Variants in SH3PXD2A observed in about 807,000 individuals in gnomAD.
The protein encoded by SH3PXD2A is SH3 and PX domain-containing protein 2A.
SH3PXD2A carries 32 observed loss-of-function variants against 115.2 expected under a neutral mutation model. The ratio of observed to expected loss-of-function variants is 0.28; its 90% CI spans 0.21 to 0.37. The LOEUF is 0.37. SH3PXD2A is among the 10% of genes least tolerant of loss of function. The probability of loss-of-function intolerance (pLI) is 1.00; values close to 1 mark genes in which losing one functional copy is unlikely to be tolerated. For synonymous variants in SH3PXD2A, 610 were observed against 629.1 expected (o/e 0.97, Z 0.45); for missense variants, 1,328 against 1,498.7 (o/e 0.89, Z 1.88).
intron 5 of SH3PXD2A, among the ~76,000 whole-genome samples, chr10:103,697,919 T>C (rs996504223): frequency 6.6e-6 from 1 of 152,166 alleles, no homozygotes; most frequent in African/African-American, 2.4e-5. Context: ...CCAGGATTTA[T>C]TCTTTGGTGT....
At chr10:103,851,552 G>C (rs1232738389) in intron 1 of SH3PXD2A, among the ~76,000 whole-genome samples, 1 of 152,188 alleles carries the variant, frequency 6.6e-6, no homozygotes, top group Non-Finnish European at 1.5e-5. Flanking sequence ...GAGCTAACCT[G>C]ACCTGCATTG....
At chr10:103,823,912 G>A (rs1010673601) in intron 1 of SH3PXD2A, among the ~76,000 whole-genome samples, 10 of 152,156 alleles carry the variant, frequency 6.6e-5, no homozygotes, top group Non-Finnish European at 1.0e-4. Context: ...TGTCAAGGCC[G>A]CACTCACTCC....
chr10:103,769,488 A>G (rs1167829673), intron 2 of SH3PXD2A, among the ~76,000 whole-genome samples: 17 of 134,860 alleles, frequency 1.3e-4, no homozygotes, highest in South Asian at 2.3e-4. Context: ...TGTCTCTGTC[A>G]CCTAGGCTGG....
At chr10:103,830,589 C>T (rs1268936385) in intron 1 of SH3PXD2A, among the ~76,000 whole-genome samples, 3 of 152,122 alleles carry the variant, frequency 2.0e-5, no homozygotes, top group Admixed American at 1.3e-4. Flanking sequence ...GCAACTTCAG[C>T]GTCCATCAAG....
chr10:103,624,469 G>A (rs1045613624), intron 9 of SH3PXD2A, among the ~76,000 whole-genome samples: 3 of 152,192 alleles, frequency 2.0e-5, no homozygotes, highest in Non-Finnish European at 2.9e-5. Flanking sequence ...CCCTGCGAAT[G>A]TCAGGCTTGG....
At chr10:103,853,094 A>T (rs1842910830) in intron 1 of SH3PXD2A, among the ~76,000 whole-genome samples, 1 of 152,118 alleles carries the variant, frequency 6.6e-6, no homozygotes, top group Admixed American at 6.5e-5. Context: ...GTTCAGTGAC[A>T]TCACTCCCTG....
At chr10:103,699,185 T>C (rs560745612) in intron 5 of SH3PXD2A, among the ~76,000 whole-genome samples, 1 of 152,296 alleles carries the variant, frequency 6.6e-6, no homozygotes, top group African/African-American at 2.4e-5. Context: ...GGCCCAGCTC[T>C]GCCCCCTCAG....
chr10:103,634,751 G>A (rs1033992733), intron 8 of SH3PXD2A, among the ~76,000 whole-genome samples: 2 of 152,158 alleles, frequency 1.3e-5, no homozygotes, highest in African/African-American at 4.8e-5. Context: ...GGGAACAGAG[G>A]TAATTAGGGG....
At chr10:103,648,208 G>A (rs1314268766) in intron 8 of SH3PXD2A, among the ~76,000 whole-genome samples, 1 of 152,180 alleles carries the variant, frequency 6.6e-6, no homozygotes. Context: ...AAGAAGAAAT[G>A]GGGTAGTAAA....
intron 5 of SH3PXD2A, among the ~76,000 whole-genome samples, chr10:103,697,101 G>A (rs973633679): frequency 3.9e-5 from 6 of 152,136 alleles, no homozygotes; most frequent in Non-Finnish European, 5.9e-5. Flanking sequence ...AGGTTCTGGA[G>A]ACGGAGGCCT....
At chr10:103,614,089 A>ATT (rs1554903666) in intron 11 of SH3PXD2A, among the ~76,000 whole-genome samples, 12 of 100,998 alleles carry the variant, frequency 1.2e-4, no homozygotes, top group African/African-American at 3.4e-4. Context: ...CCAAAAAAAA[A>ATT]TTTTTTTTTT....
intron 8 of SH3PXD2A, among the ~76,000 whole-genome samples, chr10:103,643,051 C>T (rs2036977596): frequency 1.3e-5 from 2 of 152,200 alleles, no homozygotes; most frequent in Admixed American, 1.3e-4. Context: ...TTCCTCCCTC[C>T]AAAGCCTCCT....
At chr10:103,721,835 G>A (rs957865927) in intron 5 of SH3PXD2A, among the ~76,000 whole-genome samples, 1 of 152,126 alleles carries the variant, frequency 6.6e-6, no homozygotes, top group Non-Finnish European at 1.5e-5. Flanking sequence ...GCGCAGACAG[G>A]TGGGGACAGA....
In SH3PXD2A at chr10:103,645,018, G is replaced by A. The variant is rs2037014924; in HGVS notation, c.604+15965C>T. 2.0e-5 allele frequency among the ~76,000 whole-genome samples: 3 copies of A among 152,160 alleles called. No individual in the cohort carries two copies. In the South Asian group the frequency reaches 6.2e-4, roughly 32 times the overall value. ...TTGATGTCTTTGATTCATTGCTGTA[G>A]TACCCAGGCCCCGTCCTTCAAAGCC... On this transcript the variant is annotated intron_variant, in intron 8 of 14. Coordinates refer to ENST00000369774, the MANE Select transcript of SH3PXD2A (RefSeq NM_001394015.1).
intron 11 of SH3PXD2A, among the ~76,000 whole-genome samples, chr10:103,615,651 C>T (rs1013679837): frequency 2.7e-5 from 4 of 149,404 alleles, no homozygotes; most frequent in Non-Finnish European, 5.9e-5. Flanking sequence ...TCTTTTCAGC[C>T]GGGTTTTCTC....
At chr10:103,685,574 AC>A (rs982055641) in intron 6 of SH3PXD2A, among the ~76,000 whole-genome samples, 1 of 151,862 alleles carries the variant, frequency 6.6e-6, no homozygotes, top group African/African-American at 2.4e-5. Context: ...TTTGAGACGA[AC>A]CCCTCCGGTG....
chr10:103,655,182 G>C (rs1592284439), intron 8 of SH3PXD2A, among the ~76,000 whole-genome samples: 1 of 152,338 alleles, frequency 6.6e-6, no homozygotes, highest in East Asian at 1.9e-4. Context: ...TCTGATGGCT[G>C]GGACAGGACC....
At chr10:103,668,538 G>A in intron 7 of SH3PXD2A, 70 bp downstream of exon 7, 1 of 1,349,190 alleles carries the variant, frequency 7.4e-7, no homozygotes, top group Non-Finnish European at 1.0e-6. Flanking sequence ...AGGGCCTGCA[G>A]GCACCGGCTC....
intron 2 of SH3PXD2A, among the ~76,000 whole-genome samples, chr10:103,783,454 G>A (rs1252070952): frequency 1.6e-5 from 1 of 63,808 alleles, no homozygotes; most frequent in Non-Finnish European, 4.0e-5. Context: ...GTCTCTGGGG[G>A]GCAGAGTCTG....
Sources: allele counts gnomAD v4.1 joint callset (sites outside exome capture counted in the v4.1 genomes callset), GRCh38; gene constraint gnomAD v4.1.1; transcripts MANE v1.5; gene names NCBI Gene and HGNC (gene_info 2026-07-23, HGNC 2026-07-21).